The following ARHGEF38 variants were observed in gnomAD, a reference collection of about 807,000 sequenced individuals.
ARHGEF38 encodes the protein Rho guanine nucleotide exchange factor (GEF) 38.
ARHGEF38 carries 79 observed loss-of-function variants against 79.9 expected under a neutral mutation model. The ratio of observed to expected loss-of-function variants is 0.99; its 90% CI spans 0.82 to 1.19. The LOEUF is 1.19. ARHGEF38 is among the 50% of genes most tolerant of loss of function. The pLI is 0.00. For missense variants in ARHGEF38, 962 were observed against 907.2 expected (o/e 1.06, Z -0.78); for synonymous variants, 366 against 328.3 (o/e 1.11, Z -1.24).
intron 10 of ARHGEF38, among the ~76,000 whole-genome samples, chr4:105,661,962 C>T (rs1350014259): frequency 6.6e-6 from 1 of 151,964 alleles, no homozygotes; most frequent in African/African-American, 2.4e-5. Flanking sequence ...ATCTGTAGGA[C>T]AGATTTATAG....
intron 2 of ARHGEF38, among the ~76,000 whole-genome samples, chr4:105,590,112 AAGGAAGGAAGGAAG>A (rs1388152875): frequency 2.8e-4 from 40 of 142,798 alleles, no homozygotes; most frequent in African/African-American, 1.1e-3. Context: ...GGAAGGAAGG[AAGGAAGGAAGGAAG>A]GAAAGAAAGA....
At chr4:105,608,351 T>C (rs1397967169) in intron 2 of ARHGEF38, among the ~76,000 whole-genome samples, 6 of 152,058 alleles carry the variant, frequency 3.9e-5, no homozygotes, top group Non-Finnish European at 8.8e-5. Context: ...TGACCACTTT[T>C]ATGTCTTCTT....
At position 105,679,423 on chromosome 4, in the gene ARHGEF38, A is replaced by T; in HGVS notation, c.*1486A>T. 1 of 1,583,918 alleles carries T rather than the reference A, an allele frequency of 6.3e-7. No homozygotes were observed. The highest frequency in any genetic ancestry group is 8.7e-7 in the Non-Finnish European group (1 of 1,155,038). On this transcript the variant is annotated 3_prime_UTR_variant, in exon 14 of 14. Coordinates refer to ENST00000420470, the MANE Select transcript of ARHGEF38 (RefSeq NM_001242729.2). ...CTATTCAGCTTTCTAAGTTCTTTCCAAGCACAGCTGACATCCTGTATTTCC... is the reference window on the plus strand; with the variant it reads ...CTATTCAGCTTTCTAAGTTCTTTCCTAGCACAGCTGACATCCTGTATTTCC...
intron 6 of ARHGEF38, among the ~76,000 whole-genome samples, chr4:105,646,957 A>AT (rs1436754347): frequency 3.9e-5 from 6 of 152,154 alleles, no homozygotes; most frequent in Non-Finnish European, 8.8e-5. Flanking sequence ...AAGCATAAAA[A>AT]TAGATACAGA....
chr4:105,560,036 A>G (rs908247816), intron 1 of ARHGEF38, among the ~76,000 whole-genome samples: 2 of 152,174 alleles, frequency 1.3e-5, no homozygotes, highest in African/African-American at 4.8e-5. Context: ...TAGTTGACTC[A>G]GTAGGTATTT....
intron 1 of ARHGEF38, among the ~76,000 whole-genome samples, chr4:105,566,878 C>G (rs1444958864): frequency 6.6e-6 from 1 of 151,936 alleles, no homozygotes; most frequent in African/African-American, 2.4e-5. Context: ...CTCAGCCTCC[C>G]GAGTAGCTGG....
intron 9 of ARHGEF38, among the ~76,000 whole-genome samples, chr4:105,658,820 T>G (rs529403793): frequency 3.4e-4 from 52 of 152,314 alleles, no homozygotes; most frequent in Non-Finnish European, 6.3e-4. Flanking sequence ...ACTTTTGTAT[T>G]CCTCTTCCTG....
At chr4:105,655,459 G>A in intron 8 of ARHGEF38, 144 bp from the exon 9 acceptor site, 1 of 828,936 alleles carries the variant, frequency 1.2e-6, no homozygotes, top group Non-Finnish European at 1.8e-6. Context: ...ATTGTACAGA[G>A]CATTTATAAA....
chr4:105,587,286 T>A (rs1727099257), intron 1 of ARHGEF38, among the ~76,000 whole-genome samples: 1 of 152,152 alleles, frequency 6.6e-6, no homozygotes, highest in East Asian at 1.9e-4. Flanking sequence ...CCAGCCTGGT[T>A]GACAAAGTGA....
chr4:105,600,513 T>A (rs889430378), intron 2 of ARHGEF38, among the ~76,000 whole-genome samples: 1 of 152,184 alleles, frequency 6.6e-6, no homozygotes, highest in African/African-American at 2.4e-5. Context: ...AATTGAGGGC[T>A]CCGCCTGTGG....
intron 1 of ARHGEF38, among the ~76,000 whole-genome samples, chr4:105,571,742 A>G (rs1225285069): frequency 6.6e-6 from 1 of 152,206 alleles, no homozygotes; most frequent in African/African-American, 2.4e-5. Context: ...ACCCACACAT[A>G]TGTTCCTTTT....
At chr4:105,565,109 T>G (rs1483993946) in intron 1 of ARHGEF38, among the ~76,000 whole-genome samples, 4 of 152,234 alleles carry the variant, frequency 2.6e-5, no homozygotes, top group African/African-American at 9.6e-5. Context: ...GTTTAATTCC[T>G]TTTTGAAATC....
At chr4:105,658,554 C>T (rs1159069908) in intron 9 of ARHGEF38, among the ~76,000 whole-genome samples, 1 of 151,994 alleles carries the variant, frequency 6.6e-6, no homozygotes, top group African/African-American at 2.4e-5. Flanking sequence ...GGATTTGGGG[C>T]TGATATGGGA....
chr4:105,621,050 A>T (rs1022084175), intron 3 of ARHGEF38, among the ~76,000 whole-genome samples: 4 of 152,242 alleles, frequency 2.6e-5, no homozygotes, highest in African/African-American at 9.6e-5. Context: ...TGGCACAGCT[A>T]TCCCAGAATC....
In ARHGEF38 at chr4:105,659,245, G is replaced by A. The variant is rs1730464054; in HGVS notation, c.1425G>A (p.Glu475=). 6.5e-7 allele frequency: 1 copy of A among 1,536,082 alleles called. No homozygotes were observed. Among genetic ancestry groups the A allele is most frequent in the African/African-American group, 1.4e-5 (1 of 73,138 alleles). The change falls in exon 10 of 14, where the codon GAG becomes GAA. Residue 475 remains glutamate (E), a synonymous_variant. Transcript: ENST00000420470. The part of the protein sequence containing the change: ...EYEALNAQLV[E]ELQAFNQAAR... The stretch of plus-strand genomic sequence containing the variant: ...AGGCCCTCAACGCCCAGCTTGTGGA[G>A]GAGCTCCAGGCATTCAACCAGGCTG...
chr4:105,553,589 A>C (rs1449225498), intron 1 of ARHGEF38, among the ~76,000 whole-genome samples: 2 of 152,188 alleles, frequency 1.3e-5, no homozygotes, highest in African/African-American at 4.8e-5. Context: ...TGAGGAAATA[A>C]CTTCAGTTTA....
chr4:105,632,365 C>G (rs1319833823), intron 4 of ARHGEF38, among the ~76,000 whole-genome samples: 2 of 151,932 alleles, frequency 1.3e-5, no homozygotes, highest in Non-Finnish European at 2.9e-5. Flanking sequence ...TAGATTCTGC[C>G]CTAAGGAACT....
chr4:105,561,444 A>AGAATGGAATGGAATGGAATGGAATG lies in ARHGEF38; in HGVS notation c.196+8492_196+8493insGGAATGGAATGGAATGGAATGGAAT, dbSNP rs1310249222. The stretch of plus-strand genomic sequence containing the variant: ...AGAATGGAATAGAATAGAATAGAAT[A>AGAATGGAATGGAATGGAATGGAATG]GAATGGAATAGAATAGAATAGAATA... On this transcript the variant is annotated intron_variant, in intron 1 of 13. Coordinates refer to ENST00000420470, the MANE Select transcript of ARHGEF38 (RefSeq NM_001242729.2). The AGAATGGAATGGAATGGAATGGAATG allele has an allele frequency of 4.2e-4, 18 of 43,008 alleles. 2 individuals are homozygous for AGAATGGAATGGAATGGAATGGAATG. The highest frequency in any genetic ancestry group is 5.6e-4 in the East Asian group (1 of 1,774). 2.7% of individuals were successfully genotyped at this position (43,008 alleles called of 1,614,324 possible).
rs565353922 is a variant in ARHGEF38 at position 105,670,936 on chromosome 4, T to C, written c.2148+3233T>C. Among the ~76,000 whole-genome samples, 5 of 152,314 alleles carry C rather than the reference T, an allele frequency of 3.3e-5. No individual in the cohort carries two copies. The South Asian group carries it at 1.0e-3, about 32-fold the overall frequency. On this transcript the variant is annotated intron_variant, in intron 13 of 13. Transcript: ENST00000420470. ...GACTTTCTGCCTGGTGTTTGTAGTA[T>C]GAGACTGCATTTAGTTCCTACTAGC...
Sources: allele counts gnomAD v4.1 joint callset (sites outside exome capture counted in the v4.1 genomes callset), GRCh38; gene constraint gnomAD v4.1.1; transcripts MANE v1.5; gene names NCBI Gene and HGNC (gene_info 2026-07-23, HGNC 2026-07-21).